The following NCOR2 variants were observed in gnomAD, a reference collection of about 807,000 sequenced individuals.
The protein encoded by NCOR2 is nuclear receptor corepressor 2, also known as CTG repeat protein 26.
NCOR2 carries 81 observed loss-of-function variants against 262.9 expected under a neutral mutation model. The observed-to-expected ratio is 0.31, with a 90% confidence interval of 0.26 to 0.37. The LOEUF (loss-of-function observed/expected upper bound fraction) is 0.37. Ranked by LOEUF, NCOR2 falls within the 10% of genes least tolerant of loss-of-function variation. NCOR2 has a pLI of 1.00. For synonymous variants in NCOR2, 1,659 were observed against 1,559.3 expected, an observed-to-expected ratio of 1.06 and a Z score of -1.51; for missense variants, 3,385 against 3,621.4, an observed-to-expected ratio of 0.93 and a Z score of 1.68.
rs369854394 is a variant in NCOR2 at position 124,531,058 on chromosome 12, C to G, written c.-118+4507G>C. On this transcript the variant is annotated intron_variant, in intron 1 of 46. Coordinates refer to the NCOR2 transcript ENST00000404621. This position sits in a 1 kb window ranked among gnomAD's most constrained non-coding sequence, Gnocchi z 4.5. ...CACGGTTCCTGGGCTCCACCCAACC[C>G]GCCTCTCCCAGGGAAGCAGGGACAA... Among the ~76,000 whole-genome samples the G allele has an allele frequency of 6.6e-6, 1 of 152,194 alleles. No homozygotes were observed. Among genetic ancestry groups the G allele is most frequent in the Non-Finnish European group, 1.5e-5 (1 of 68,036 alleles).
In NCOR2 at chr12:124,495,135, G is replaced by A. The variant is rs768207730; in HGVS notation, c.105+12C>T. 10 of 1,613,190 alleles carry A rather than the reference G, an allele frequency of 6.2e-6. No individual in the cohort carries two copies. The highest frequency in any genetic ancestry group is 1.3e-5 in the African/African-American group (1 of 74,920). On this transcript the variant is annotated intron_variant, in intron 1 of 46. Transcript: ENST00000405201. The surrounding 1 kb of genome is among the most constrained non-coding windows in gnomAD (Gnocchi z 4.4). ...AAGGTAGCCCCAGGCGCACACATGT[G>A]CACCCCCTTACCGTGTGCGTCCGGG...
intron 46 of NCOR2, among the ~76,000 whole-genome samples, chr12:124,325,860 A>G (rs575364426): frequency 6.6e-6 from 1 of 152,134 alleles, no homozygotes; most frequent in East Asian, 1.9e-4. Context: ...TTCTGACCCT[A>G]TGTTAGATGA....
At chr12:124,518,841 A>G (rs1044047827) in intron 1 of NCOR2, among the ~76,000 whole-genome samples, 2 of 152,016 alleles carry the variant, frequency 1.3e-5, no homozygotes, top group African/African-American at 4.8e-5. Flanking sequence ...TTCGAGCCGC[A>G]CCTGCACCTC....
intron 7 of NCOR2, among the ~76,000 whole-genome samples, chr12:124,448,752 A>G (rs1440564053): frequency 6.6e-6 from 1 of 152,238 alleles, no homozygotes; most frequent in Non-Finnish European, 1.5e-5. Context: ...AGATGTGTGA[A>G]AACACTGGAA....
rs770309726 is a variant in NCOR2 at position 124,531,378 on chromosome 12, C to A, written c.-118+4187G>T. 6.6e-6 allele frequency among the ~76,000 whole-genome samples: 1 copy of A among 152,160 alleles called. No homozygotes were observed. The highest frequency in any genetic ancestry group is 1.5e-5 in the Non-Finnish European group (1 of 68,022). On this transcript the variant is annotated intron_variant, in intron 1 of 46. Transcript: ENST00000404621. This position sits in a 1 kb window ranked among gnomAD's most constrained non-coding sequence, Gnocchi z 4.5. The stretch of plus-strand genomic sequence containing the variant: ...CGGCAGGAGGGGCATCCCCCGGGCC[C>A]GATTAGCGGGCGGCCGCAGGCAGAC...
chr12:124,430,296 C>G (rs1340953342), intron 9 of NCOR2, among the ~76,000 whole-genome samples: 1 of 152,206 alleles, frequency 6.6e-6, no homozygotes, highest in South Asian at 2.1e-4. Context: ...CCACGTCTCT[C>G]CCCTTTGTCC....
chr12:124,454,254 C>T lies in NCOR2; in HGVS notation c.762+2852G>A, dbSNP rs1565957827. 6.6e-6 allele frequency among the ~76,000 whole-genome samples: 1 copy of T among 152,202 alleles called. No individual in the cohort carries two copies. Among genetic ancestry groups the T allele is most frequent in the Admixed American group, 6.5e-5 (1 of 15,276 alleles). ...CATCCAGAAAATGGGACGGCAACAG[C>T]TCTGTGAGGCGTCCTCCCTGTCCCC... On this transcript the variant is annotated intron_variant, in intron 6 of 46. Coordinates refer to ENST00000405201, the Ensembl canonical transcript of NCOR2. The surrounding 1 kb of genome is among the most constrained non-coding windows in gnomAD (Gnocchi z 5.6).
At chr12:124,550,515 G>A (rs71458855) in intron 1 of NCOR2, among the ~76,000 whole-genome samples, 2 of 152,166 alleles carry the variant, frequency 1.3e-5, no homozygotes, top group Admixed American at 6.5e-5. Context: ...TGGTGAACGG[G>A]GGGGAGGACA....
At chr12:124,422,085 G>A (rs1019195099) in intron 12 of NCOR2, among the ~76,000 whole-genome samples, 2 of 152,232 alleles carry the variant, frequency 1.3e-5, no homozygotes, top group Admixed American at 6.5e-5. Flanking sequence ...TTTGAGGCAC[G>A]CCACTCCTGC....
intron 13 of NCOR2, among the ~76,000 whole-genome samples, chr12:124,404,741 C>T (rs763881130): frequency 3.9e-4 from 60 of 152,314 alleles, no homozygotes; most frequent in Non-Finnish European, 6.0e-4. Context: ...CACAGATCCC[C>T]GAGAGCTGAC....
At chr12:124,472,240 T>C (rs2046866794) in intron 4 of NCOR2, among the ~76,000 whole-genome samples, 1 of 152,256 alleles carries the variant, frequency 6.6e-6, no homozygotes, top group Non-Finnish European at 1.5e-5. Context: ...TATTAACTCA[T>C]ATTTAAAACA....
At chr12:124,562,317 C>T (rs1289336659) in intron 1 of NCOR2, 1 of 152,230 alleles carries the variant, frequency 6.6e-6, no homozygotes, top group Admixed American at 6.5e-5. Flanking sequence ...CAGGAGTTCC[C>T]AGACAGCCCG....
intron 13 of NCOR2, among the ~76,000 whole-genome samples, chr12:124,407,582 G>A (rs971354078): frequency 3.3e-5 from 5 of 152,222 alleles, no homozygotes; most frequent in African/African-American, 1.2e-4. Context: ...CAATCCAATA[G>A]CAGGTCGCAG....
chr12:124,345,137 C>T (rs866491362), intron 31 of NCOR2, among the ~76,000 whole-genome samples, 186 bp from the exon 34 acceptor site: 6 of 152,138 alleles, frequency 3.9e-5, no homozygotes, highest in African/African-American at 1.2e-4. Flanking sequence ...TACTGCCCTG[C>T]GCACCCTGGG....
chr12:124,422,579 T>C, intron 11 of NCOR2, 24 bp from the exon 14 acceptor site: 1 of 1,613,424 alleles, frequency 6.2e-7, no homozygotes, highest in Non-Finnish European at 8.5e-7. Context: ...AGGGTGGGCG[T>C]GAGACCTGGC....
chr12:124,351,295 C>T (rs1183474468), intron 27 of NCOR2, among the ~76,000 whole-genome samples: 3 of 152,212 alleles, frequency 2.0e-5, no homozygotes, highest in Admixed American at 6.5e-5. Context: ...CAAGGACTCA[C>T]GTCAGGGCAG....
chr12:124,402,725 CAT>C (rs1451239670), intron 13 of NCOR2, among the ~76,000 whole-genome samples, 164 bp from the exon 16 acceptor site: 1 of 152,112 alleles, frequency 6.6e-6, no homozygotes, highest in African/African-American at 2.4e-5. Flanking sequence ...GCCCCACTGG[CAT>C]GAGATGGGGA....
chr12:124,519,089 T>TACACACAC (rs57438929), intron 1 of NCOR2, among the ~76,000 whole-genome samples: 24 of 97,254 alleles, frequency 2.5e-4, no homozygotes, highest in African/African-American at 7.7e-4. Context: ...GGCCAAATAA[T>TACACACAC]ACACACACAC....
At chr12:124,420,504 C>T (rs2043145810) in intron 12 of NCOR2, among the ~76,000 whole-genome samples, 1 of 152,168 alleles carries the variant, frequency 6.6e-6, no homozygotes. Flanking sequence ...GCCTTCTCTT[C>T]CCTGATATTT....
Sources: allele counts gnomAD v4.1 joint callset (sites outside exome capture counted in the v4.1 genomes callset), GRCh38; gene constraint gnomAD v4.1.1; non-coding constraint Gnocchi (gnomAD v3.1); transcripts MANE v1.5; gene names NCBI Gene and HGNC (gene_info 2026-07-23, HGNC 2026-07-21).